AUTS2: variants seen among roughly 807,000 people sequenced by gnomAD.
AUTS2 encodes autism susceptibility gene 2 protein.
Under a neutral mutation model 112.4 loss-of-function variants are expected in AUTS2, and 17 were observed. That is an observed-to-expected ratio of 0.15 (90% CI 0.10 to 0.23). AUTS2 has a LOEUF of 0.23. Ranked by LOEUF, AUTS2 falls within the 10% of genes least tolerant of loss-of-function variation. The probability of loss-of-function intolerance (pLI) is 1.00; values close to 1 mark genes in which losing one functional copy is unlikely to be tolerated. For missense variants in AUTS2, 1,510 were observed against 1,701.6 expected (o/e 0.89, Z 1.98); for synonymous variants, 751 against 702.7 (o/e 1.07, Z -1.09).
rs1799466890 is a variant in AUTS2 at position 70,517,559 on chromosome 7, TATACACATATATACAAATTG to T, written c.690+81779_690+81798del. Among the ~76,000 whole-genome samples, 6 of 148,620 alleles carry T rather than the reference TATACACATATATACAAATTG, an allele frequency of 4.0e-5. No homozygotes were observed. The Admixed American group carries it at 4.0e-4, about 10-fold the overall frequency. On this transcript the variant is annotated intron_variant, in intron 5 of 18. Coordinates refer to ENST00000342771, the MANE Select transcript of AUTS2 (RefSeq NM_015570.4). Reference sequence around the variant, plus strand: ...CATATACACATATATACAAATTGCATATACACATATATACAAATTGCATATATAATATATATTATAATTAA... The same window carrying T: ...CATATACACATATATACAAATTGCATCATATATAATATATATTATAATTAA...
intron 2 of AUTS2, among the ~76,000 whole-genome samples, chr7:69,941,311 A>T (rs774334608): frequency 2.0e-5 from 3 of 152,194 alleles, no homozygotes; most frequent in Non-Finnish European, 4.4e-5. Flanking sequence ...AGGAATTGCC[A>T]CTTGGATTCA....
chr7:69,998,606 G>C (rs982910854), intron 2 of AUTS2, among the ~76,000 whole-genome samples: 1 of 152,208 alleles, frequency 6.6e-6, no homozygotes, highest in Non-Finnish European at 1.5e-5. Flanking sequence ...TATTTATTGA[G>C]CTCCTAACAT....
chr7:69,775,789 T>A (rs1788867379), intron 1 of AUTS2, among the ~76,000 whole-genome samples: 1 of 152,188 alleles, frequency 6.6e-6, no homozygotes, highest in African/African-American at 2.4e-5. Context: ...GGAAAGTCAT[T>A]CTTTCAATGT....
chr7:69,718,230 A>G (rs1196293379), intron 1 of AUTS2, among the ~76,000 whole-genome samples: 1 of 152,226 alleles, frequency 6.6e-6, no homozygotes, highest in Non-Finnish European at 1.5e-5. Context: ...CATATCAGAA[A>G]TTGTGGTGGA....
At chr7:69,884,710 A>G (rs1179145002) in intron 1 of AUTS2, among the ~76,000 whole-genome samples, 2 of 152,192 alleles carry the variant, frequency 1.3e-5, no homozygotes, top group Non-Finnish European at 2.9e-5. Context: ...AAAAATCTGG[A>G]TATCTTTGCA....
intron 2 of AUTS2, among the ~76,000 whole-genome samples, chr7:69,960,236 C>T (rs1242133705): frequency 3.3e-5 from 5 of 152,284 alleles, no homozygotes; most frequent in East Asian, 1.9e-4. Context: ...CTAATTGCTG[C>T]GCTCTAAGTA....
chr7:70,248,942 G>T (rs1461020226), intron 4 of AUTS2, among the ~76,000 whole-genome samples: 1 of 151,976 alleles, frequency 6.6e-6, no homozygotes, highest in Non-Finnish European at 1.5e-5. Context: ...CATTTTTATT[G>T]CTTTCAGACC....
At chr7:69,886,763 T>TTGTG (rs3220664) in intron 1 of AUTS2, among the ~76,000 whole-genome samples, 16,115 of 129,706 alleles carry the variant, frequency 0.12, 1,220 homozygotes, top group Middle Eastern at 0.17. Context: ...TTTGACTTCT[T>TTGTG]TGTGTGTGTG....
Position 70,408,180 on chromosome 7 carries a change from A to G in AUTS2, c.661-27572A>G, listed in dbSNP as rs551991240. ...TGGGTGACAGAGCGAGACCCTGTGGAAAAAAAAAAAAAAGAATACAGTGGC... is the reference window on the plus strand; with the variant it reads ...TGGGTGACAGAGCGAGACCCTGTGGGAAAAAAAAAAAAAGAATACAGTGGC... On this transcript the variant is annotated intron_variant, in intron 4 of 18. Transcript: ENST00000342771. 1.7e-3 allele frequency among the ~76,000 whole-genome samples: 235 copies of G among 138,818 alleles called. 8 individuals carry two copies. The South Asian group carries it at 0.037, about 22-fold the overall frequency. 91.1% of individuals were successfully genotyped at this position (138,818 alleles called of 152,430 possible).
intron 1 of AUTS2, among the ~76,000 whole-genome samples, chr7:69,873,066 C>G (rs1301616806): frequency 6.6e-6 from 1 of 151,878 alleles, no homozygotes; most frequent in Non-Finnish European, 1.5e-5. Context: ...TGGTCTCGAA[C>G]TCCTGACCTC....
chr7:70,285,263 G>A (rs1788405390), intron 4 of AUTS2, among the ~76,000 whole-genome samples: 6 of 152,190 alleles, frequency 3.9e-5, no homozygotes, highest in Admixed American at 2.0e-4. Context: ...CGTAATGACT[G>A]TGTAGTAGAG....
At chr7:69,843,546 G>A (rs370396608) in intron 1 of AUTS2, among the ~76,000 whole-genome samples, 9 of 152,266 alleles carry the variant, frequency 5.9e-5, no homozygotes, top group South Asian at 2.1e-4. Flanking sequence ...ATAAATTTCC[G>A]TTGAATGAGT....
intron 4 of AUTS2, among the ~76,000 whole-genome samples, chr7:70,285,053 G>A (rs1788393463): frequency 6.6e-6 from 1 of 151,592 alleles, no homozygotes; most frequent in Non-Finnish European, 1.5e-5. Flanking sequence ...ACCGGATACT[G>A]TAATTTGAAA....
chr7:69,718,416 T>C (rs149275363), intron 1 of AUTS2, among the ~76,000 whole-genome samples: 9 of 152,310 alleles, frequency 5.9e-5, no homozygotes, highest in Non-Finnish European at 1.2e-4. Flanking sequence ...ACAAATTCTA[T>C]GACCTCATCT....
At chr7:70,520,969 T>G (rs1332423995) in intron 5 of AUTS2, among the ~76,000 whole-genome samples, 1 of 152,200 alleles carries the variant, frequency 6.6e-6, no homozygotes, top group Non-Finnish European at 1.5e-5. Flanking sequence ...CAGATGTCCT[T>G]GCATTGGTTC....
intron 6 of AUTS2, among the ~76,000 whole-genome samples, chr7:70,732,699 A>G (rs895633235): frequency 6.6e-6 from 1 of 152,180 alleles, no homozygotes; most frequent in Non-Finnish European, 1.5e-5. Flanking sequence ...ACAATTTGTC[A>G]TCTTATACAT....
intron 4 of AUTS2, among the ~76,000 whole-genome samples, chr7:70,186,645 C>T (rs1176973905): frequency 6.6e-6 from 1 of 152,206 alleles, no homozygotes; most frequent in Non-Finnish European, 1.5e-5. Context: ...TGTCAGCTCA[C>T]TGCAACCTCC....
chr7:70,223,669 A>G (rs190020149), intron 4 of AUTS2, among the ~76,000 whole-genome samples: 1 of 152,282 alleles, frequency 6.6e-6, no homozygotes, highest in African/African-American at 2.4e-5. Flanking sequence ...ACTTTAGAAC[A>G]TCTCAGGCAG....
At chr7:69,860,352 A>C (rs1468718237) in intron 1 of AUTS2, among the ~76,000 whole-genome samples, 4 of 152,156 alleles carry the variant, frequency 2.6e-5, no homozygotes, top group Admixed American at 6.6e-5. Flanking sequence ...GATTTAAAAA[A>C]AACTTTCTAT....
Sources: gnomAD v4.1 joint callset for allele counts (sites outside exome capture counted in the v4.1 genomes callset) on GRCh38, gnomAD v4.1.1 for gene constraint, MANE v1.5 for transcripts, NCBI Gene and HGNC (gene_info 2026-07-23, HGNC 2026-07-21) for gene names.